Variants in ABCC8 observed in about 807,000 individuals in gnomAD.
The protein encoded by ABCC8 is ATP binding cassette subfamily C member 8, also known as ATP-binding cassette sub-family C member 8.
A neutral mutation model predicts 188.0 loss-of-function variants in ABCC8; 137 were observed. That is an observed-to-expected ratio of 0.73 (90% CI 0.63 to 0.84). The LOEUF is 0.84. Among genes scored for constraint, ABCC8 ranks in the 40% least tolerant of loss-of-function variants. The pLI is 0.00. For missense variants in ABCC8, 1,750 were observed against 2,072.7 expected, an observed-to-expected ratio of 0.84 and a Z score of 3.02; for synonymous variants, 797 against 846.5, an observed-to-expected ratio of 0.94 and a Z score of 1.01.
At chr11:17,451,439 G>A (rs1001979454) in intron 7 of ABCC8, among the ~76,000 whole-genome samples, 1 of 152,342 alleles carries the variant, frequency 6.6e-6, no homozygotes, top group South Asian at 2.1e-4. Context: ...GATGGGCAGG[G>A]TTGCCATATA....
At chr11:17,450,266 CTTTCTTTCTTTCT>C (rs1377013777) in intron 7 of ABCC8, among the ~76,000 whole-genome samples, 31 of 97,684 alleles carry the variant, frequency 3.2e-4, no homozygotes, top group Non-Finnish European at 5.7e-4. Flanking sequence ...CTTTCTCTTT[CTTTCTTTCTTTCT>C]TTCTTTCTTT....
In ABCC8 at chr11:17,398,378, G is replaced by C. The variant is rs779489003; in HGVS notation, c.3714C>G (p.Leu1238=). 6.2e-7 allele frequency: 1 copy of C among 1,614,070 alleles called. No homozygotes were observed. The highest frequency in any genetic ancestry group is 1.3e-5 in the African/African-American group (1 of 74,914). The change falls in exon 30 of 39, where the codon CTC becomes CTG. Residue 1238 remains leucine, a synonymous_variant. Transcript: ENST00000389817. ...EYTDSNNIAS[L]FLTAANRWLE... ...GCCATCTGTTGGCAGCTGTGAGGAA[G>C]AGGGAAGCAATGTTGTTGGAGTCTG...
chr11:17,393,640 C>A (rs1953745092), intron 38 of ABCC8, 57 bp downstream of exon 38: 3 of 1,612,222 alleles, frequency 1.9e-6, no homozygotes, highest in South Asian at 2.2e-5. Context: ...ATGACGGCCA[C>A]AACAGGCCAG....
In ABCC8 at chr11:17,453,162, T is replaced by C. The variant is rs1457243160; in HGVS notation, c.1133A>G (p.Tyr378Cys). ...GTTAATTCCAGTTTCAATGGCCACA[T>C]AGTAGGATGCTTGCAGAAATGTCCT... ...LQRTFLQASY[Y>C]VAIETGINLR... Residue 378 changes from tyrosine to cysteine, a missense_variant, in exon 7 of 39, where the codon TAT (tyrosine) becomes TGT (cysteine). Coordinates refer to ENST00000389817, the MANE Select transcript of ABCC8 (RefSeq NM_000352.6). The C allele has an allele frequency of 5.0e-6, 8 of 1,613,898 alleles. No homozygotes were observed. The highest frequency in any genetic ancestry group is 6.8e-6 in the Non-Finnish European group (8 of 1,179,986).
At chr11:17,431,088 T>C in intron 11 of ABCC8, 129 bp from the exon 12 acceptor site, 1 of 1,429,118 alleles carries the variant, frequency 7.0e-7, no homozygotes, top group South Asian at 1.3e-5. Flanking sequence ...GATCTTTTAG[T>C]TGGAGACACC....
In ABCC8 at chr11:17,448,760, CT is replaced by C. The variant is rs765866607; in HGVS notation, c.1177-90del. ...GCCACCTGTTACAGTGTGCCAGGGG[CT>C]TCTCAGACAGTCCCCATGGTGCCCT... On this transcript the variant is annotated intron_variant, in intron 7 of 38. Coordinates refer to ENST00000389817, the MANE Select transcript of ABCC8 (RefSeq NM_000352.6). The C allele has an allele frequency of 3.6e-4, 582 of 1,608,264 alleles. 2 individuals are homozygous for C. The highest frequency in any genetic ancestry group is 2.3e-4 in the Non-Finnish European group (276 of 1,177,246).
In ABCC8 at chr11:17,458,081, AG is replaced by A. The variant is rs59678926; in HGVS notation, c.1011+2406del. Among the ~76,000 whole-genome samples, 455 of 152,340 alleles carry A rather than the reference AG, an allele frequency of 3.0e-3. 1 individual carries two copies. Among genetic ancestry groups the A allele is most frequent in the African/African-American group, 0.011 (440 of 41,582 alleles). ...TTTTCTGAGCTCAGAAGCCCACATGAGAATTAAGCCACATCCCAGGCAACCA... is the reference window on the plus strand; with the variant it reads ...TTTTCTGAGCTCAGAAGCCCACATGAAATTAAGCCACATCCCAGGCAACCA... On this transcript the variant is annotated intron_variant, in intron 6 of 38. Transcript: ENST00000389817.
Position 17,432,221 on chromosome 11 carries a change from T to C in ABCC8, c.1654A>G (p.Ile552Val), listed in dbSNP as rs766577816. 1.6e-5 allele frequency: 25 copies of C among 1,552,702 alleles called. No individual in the cohort carries two copies. Among genetic ancestry groups the C allele is most frequent in the Admixed American group, 3.9e-5 (2 of 51,144 alleles). The change falls in exon 11 of 39, where the codon ATT becomes GTT. Residue 552 changes from isoleucine to valine, a missense_variant. Coordinates refer to ENST00000389817, the MANE Select transcript of ABCC8 (RefSeq NM_000352.6). ...ISIFMNTAIP[I>V]AAVLITFVGH... ...CCACTTACTATGAGGACAGCTGCAA[T>C]GGGGATGGCCGTGTTCATGAAAACT...
At chr11:17,399,998 C>T (rs1280967120) in intron 29 of ABCC8, among the ~76,000 whole-genome samples, 1 of 152,220 alleles carries the variant, frequency 6.6e-6, no homozygotes, top group Non-Finnish European at 1.5e-5. Context: ...TGCAGGAGCA[C>T]TTGTTTGATG....
chr11:17,429,360 G>C (rs1955741347), intron 12 of ABCC8: 1 of 152,880 alleles, frequency 6.5e-6, no homozygotes, highest in Middle Eastern at 3.4e-3. Flanking sequence ...TTATTCTGGG[G>C]TGTAAGTGAG....
chr11:17,476,672 C>A lies in ABCC8; in HGVS notation c.105G>T (p.Pro35=). 1 of 1,612,258 alleles carries A rather than the reference C, an allele frequency of 6.2e-7. No homozygotes were observed. Among genetic ancestry groups the A allele is most frequent in the South Asian group, 1.1e-5 (1 of 90,840 alleles). ...GCFVDALNVV[P]HVFLLFITFP... is the part of the protein sequence containing the mutation. Reference sequence around the variant, plus strand: ...AGGTGATGAAGAGTAGGAAGACGTGCGGCACCACGTTGAGCGCGTCCACAA... The same window carrying A: ...AGGTGATGAAGAGTAGGAAGACGTGAGGCACCACGTTGAGCGCGTCCACAA... The change falls in exon 1 of 39, where the codon CCG becomes CCT. Residue 35 remains proline, a synonymous_variant. Coordinates refer to ENST00000389817, the MANE Select transcript of ABCC8 (RefSeq NM_000352.6).
chr11:17,450,288 TTC>T (rs1956728409), intron 7 of ABCC8, among the ~76,000 whole-genome samples: 1 of 137,864 alleles, frequency 7.3e-6, no homozygotes, highest in African/African-American at 3.2e-5. Flanking sequence ...CTTTCTTTCT[TTC>T]TTTCTTTCTT....
chr11:17,410,202 T>A (rs1034547190), intron 22 of ABCC8: 9 of 331,316 alleles, frequency 2.7e-5, no homozygotes. Flanking sequence ...GGATGGGTCA[T>A]CAAAAGGGCA....
intron 10 of ABCC8, 81 bp downstream of exon 10, chr11:17,442,639 C>T: frequency 5.7e-6 from 8 of 1,414,156 alleles, no homozygotes; most frequent in East Asian, 2.3e-5. Flanking sequence ...TGTCCCTGCA[C>T]CCCCTCTTAC....
chr11:17,400,558 A>G (rs1954187677), intron 29 of ABCC8, among the ~76,000 whole-genome samples: 1 of 152,190 alleles, frequency 6.6e-6, no homozygotes, highest in Non-Finnish European at 1.5e-5. Context: ...TTCTTATGAA[A>G]AAAATGGGGA....
chr11:17,440,856 G>A (rs1288616952), intron 10 of ABCC8, among the ~76,000 whole-genome samples: 2 of 152,220 alleles, frequency 1.3e-5, no homozygotes, highest in Non-Finnish European at 2.9e-5. Context: ...ACATGCCTTG[G>A]TGCCCATGTT....
intron 29 of ABCC8, chr11:17,398,997 G>A (rs7937774): frequency 0.17 from 28,484 of 164,530 alleles, 4,441 homozygotes; most frequent in African/African-American, 0.42. Flanking sequence ...GGCCGGATGC[G>A]GTGACTCACC....
chr11:17,431,813 G>A (rs1050882097), intron 11 of ABCC8, among the ~76,000 whole-genome samples: 1 of 152,214 alleles, frequency 6.6e-6, no homozygotes, highest in Non-Finnish European at 1.5e-5. Flanking sequence ...CTTAAAAAAA[G>A]ACTGGAAAGA....
chr11:17,420,762 G>T (rs1266532472), intron 16 of ABCC8, among the ~76,000 whole-genome samples: 3 of 152,182 alleles, frequency 2.0e-5, no homozygotes, highest in Non-Finnish European at 4.4e-5. Context: ...CCCCCCGGGG[G>T]CATTTAAAGT....
Sources: allele counts gnomAD v4.1 joint callset (sites outside exome capture counted in the v4.1 genomes callset), GRCh38; gene constraint gnomAD v4.1.1; transcripts MANE v1.5; gene names NCBI Gene and HGNC (gene_info 2026-07-23, HGNC 2026-07-21).